The following PALLD variants were observed in gnomAD, a reference collection of about 807,000 sequenced individuals.
PALLD encodes palladin, cytoskeletal associated protein.
A neutral mutation model predicts 123.5 loss-of-function variants in PALLD; 61 were observed. That is an observed-to-expected ratio of 0.49 (90% CI 0.40 to 0.61). The LOEUF (loss-of-function observed/expected upper bound fraction) is 0.61. PALLD is among the 20% of genes least tolerant of loss of function. PALLD has a pLI of 0.00. For missense variants in PALLD, 1,273 were observed against 1,377.0 expected, an observed-to-expected ratio of 0.92 and a Z score of 1.20; for synonymous variants, 465 against 496.4, an observed-to-expected ratio of 0.94 and a Z score of 0.84.
chr4:168,783,965 C>G (rs1448014327), intron 10 of PALLD, among the ~76,000 whole-genome samples: 1 of 152,100 alleles, frequency 6.6e-6, no homozygotes, highest in Non-Finnish European at 1.5e-5. Flanking sequence ...ACTCCTGAGG[C>G]CAGGCACTGT....
At chr4:168,563,759 T>C (rs1768090119) in intron 2 of PALLD, among the ~76,000 whole-genome samples, 3 of 152,186 alleles carry the variant, frequency 2.0e-5, no homozygotes, top group Admixed American at 2.0e-4. Context: ...AGTTCTCCAT[T>C]ATATAAATCT....
intron 10 of PALLD, among the ~76,000 whole-genome samples, chr4:168,885,672 T>G (rs1753238418): frequency 1.3e-5 from 2 of 152,224 alleles, no homozygotes; most frequent in African/African-American, 4.8e-5. Flanking sequence ...TCATGCTTGT[T>G]GAAGAGAATC....
chr4:168,602,601 T>G lies in PALLD; in HGVS notation c.909-65589T>G, dbSNP rs554246731. On this transcript the variant is annotated intron_variant, in intron 2 of 21. Transcript: ENST00000505667. ...CTCTGTTGCTCAGCGTATGATAAGT[T>G]TGGCTTTGCTCTACTCATTTCCAGA... Among the ~76,000 whole-genome samples the G allele has an allele frequency of 3.3e-5, 5 of 152,338 alleles. No homozygotes were observed. The East Asian group carries it at 9.6e-4, about 29-fold the overall frequency.
In PALLD at chr4:168,924,520, A is replaced by C. The variant is rs956226215; in HGVS notation, c.3224+100A>C. 5.2e-6 allele frequency: 6 copies of C among 1,157,942 alleles called. No homozygotes were observed. The African/African-American group carries it at 9.1e-5, about 18-fold the overall frequency. 71.7% of individuals were successfully genotyped at this position (1,157,942 alleles called of 1,614,324 possible). On this transcript the variant is annotated intron_variant, in intron 19 of 21. Transcript: ENST00000505667. ...GCATGGAAATCTATGTGTAAAAGCCACATAGATGTTTTGATTTTTGATGAA... is the reference window on the plus strand; with the variant it reads ...GCATGGAAATCTATGTGTAAAAGCCCCATAGATGTTTTGATTTTTGATGAA...
intron 10 of PALLD, among the ~76,000 whole-genome samples, chr4:168,870,442 A>T (rs1750926738): frequency 6.6e-6 from 1 of 152,228 alleles, no homozygotes; most frequent in African/African-American, 2.4e-5. Flanking sequence ...TTACCATGGA[A>T]TTGTTTTTAT....
At chr4:168,871,321 GTGAAATATC>G (rs1751042245) in intron 10 of PALLD, among the ~76,000 whole-genome samples, 1 of 152,158 alleles carries the variant, frequency 6.6e-6, no homozygotes, top group African/African-American at 2.4e-5. Flanking sequence ...AAGACAGAAA[GTGAAATATC>G]TGTCTGTCCT....
chr4:168,746,390 A>AAAATAAAAAT (rs1730318726), intron 10 of PALLD, among the ~76,000 whole-genome samples: 1 of 135,048 alleles, frequency 7.4e-6, no homozygotes, highest in Non-Finnish European at 1.5e-5. Context: ...CAAAAAAAAA[A>AAAATAAAAAT]AAAAAAAAAA....
At chr4:168,527,422 C>CAAA (rs35555541) in intron 2 of PALLD, among the ~76,000 whole-genome samples, 10,824 of 52,614 alleles carry the variant, frequency 0.21, 1,821 homozygotes, top group East Asian at 0.43. Flanking sequence ...AACTCCATCT[C>CAAA]AAAAAAAAAA....
At chr4:168,506,712 G>C (rs757451784) in intron 1 of PALLD, among the ~76,000 whole-genome samples, 9 of 151,996 alleles carry the variant, frequency 5.9e-5, no homozygotes, top group Non-Finnish European at 1.3e-4. Context: ...TTCTTTCTAT[G>C]ATCTTTTCAA....
At chr4:168,761,487 G>A (rs752338629) in intron 10 of PALLD, among the ~76,000 whole-genome samples, 24 of 151,926 alleles carry the variant, frequency 1.6e-4, no homozygotes, top group Admixed American at 1.3e-4. Context: ...TCTGAGACGA[G>A]TCTCTCTCCG....
chr4:168,707,365 AC>A (rs1381823203), intron 8 of PALLD, among the ~76,000 whole-genome samples: 1 of 152,154 alleles, frequency 6.6e-6, no homozygotes, highest in Non-Finnish European at 1.5e-5. Flanking sequence ...TAGGCTGACC[AC>A]AGCTGGGCTG....
chr4:168,608,468 A>C (rs959895248), intron 2 of PALLD, among the ~76,000 whole-genome samples: 1 of 152,218 alleles, frequency 6.6e-6, no homozygotes, highest in African/African-American at 2.4e-5. Flanking sequence ...AGAAACATGA[A>C]TCCATATCCA....
chr4:168,516,773 A>G (rs1020908828), intron 2 of PALLD, among the ~76,000 whole-genome samples: 3 of 152,220 alleles, frequency 2.0e-5, no homozygotes, highest in African/African-American at 7.2e-5. Context: ...TGCCACCTTT[A>G]AAAATCTACG....
chr4:168,536,975 C>A (rs886068865), intron 2 of PALLD, among the ~76,000 whole-genome samples: 1 of 152,066 alleles, frequency 6.6e-6, no homozygotes, highest in African/African-American at 2.4e-5. Context: ...CTATAGGCGC[C>A]TGCCACCACG....
chr4:168,590,406 G>C (rs2319907), intron 2 of PALLD, among the ~76,000 whole-genome samples: 21,677 of 152,150 alleles, frequency 0.14, 1,970 homozygotes, highest in East Asian at 0.49. Context: ...GCATATCTAA[G>C]TATTTTTTCC....
At position 168,770,012 on chromosome 4, in the gene PALLD, T is replaced by C. The variant is rs1217951862; in HGVS notation, c.1964+58089T>C. Among the ~76,000 whole-genome samples the C allele has an allele frequency of 1.3e-5, 2 of 152,112 alleles. 1 individual carries two copies. ...AGACATCCAAATCTACTCTTTTTAC[T>C]TGAAGGGAAACAGTGCTATCTCTGT... On this transcript the variant is annotated intron_variant, in intron 10 of 21. Transcript: ENST00000505667.
intron 10 of PALLD, among the ~76,000 whole-genome samples, chr4:168,758,649 T>G (rs1732240844): frequency 6.6e-6 from 1 of 152,184 alleles, no homozygotes; most frequent in Non-Finnish European, 1.5e-5. Flanking sequence ...TTTTTGAGGT[T>G]AGTCCAAATT....
intron 2 of PALLD, among the ~76,000 whole-genome samples, chr4:168,653,917 G>C (rs1221134791): frequency 6.6e-6 from 1 of 151,828 alleles, no homozygotes; most frequent in Non-Finnish European, 1.5e-5. Context: ...AGCCAGGATG[G>C]TCTCGATCTC....
At chr4:168,670,586 A>G (rs979384153) in intron 3 of PALLD, among the ~76,000 whole-genome samples, 5 of 150,148 alleles carry the variant, frequency 3.3e-5, no homozygotes, top group African/African-American at 4.9e-5. Flanking sequence ...ACAAAAAATT[A>G]GCCGGGCGCG....
Sources: gnomAD v4.1 joint callset for allele counts (sites outside exome capture counted in the v4.1 genomes callset) on GRCh38, gnomAD v4.1.1 for gene constraint, MANE v1.5 for transcripts, NCBI Gene and HGNC (gene_info 2026-07-23, HGNC 2026-07-21) for gene names.